Variants in METTL9 observed in about 807,000 individuals in gnomAD.
METTL9 encodes protein-L-histidine N-pros-methyltransferase.
In METTL9, 10 loss-of-function variants were observed where a neutral mutation model predicts 36.0. That is an observed-to-expected ratio of 0.28 (90% confidence interval 0.17 to 0.47). The LOEUF (loss-of-function observed/expected upper bound fraction) is 0.47, where lower values mean the gene tolerates loss of function less well. Among genes scored for constraint, METTL9 ranks in the 20% least tolerant of loss-of-function variants. The pLI, the probability that METTL9 is intolerant of heterozygous loss-of-function variation, is 0.99. For missense variants in METTL9, 246 were observed against 383.5 expected, an observed-to-expected ratio of 0.64 and a Z score of 3.00; for synonymous variants, 175 against 149.7, an observed-to-expected ratio of 1.17 and a Z score of -1.23.
chr16:21,653,172 T>G (rs1966624010), intron 4 of METTL9: 1 of 152,178 alleles, frequency 6.6e-6, no homozygotes, highest in African/African-American at 2.4e-5. Flanking sequence ...CAGGCTGGAA[T>G]GCAGTGGCAA....
At chr16:21,618,878 T>C (rs1397080569) in intron 3 of METTL9, among the ~76,000 whole-genome samples, 3 of 152,108 alleles carry the variant, frequency 2.0e-5, no homozygotes, top group Admixed American at 6.6e-5. Flanking sequence ...CATGCCTGGC[T>C]AATTTTTTTG....
upstream of METTL9, chr16:21,597,435 G>A (rs1197477456): frequency 4.0e-6 from 2 of 494,338 alleles, no homozygotes; most frequent in South Asian, 1.9e-5. Flanking sequence ...TATTTTAAAT[G>A]TATGAGTGAT....
chr16:21,637,121 G>A (rs761781576), intron 4 of METTL9, among the ~76,000 whole-genome samples: 9 of 152,238 alleles, frequency 5.9e-5, no homozygotes, highest in South Asian at 2.1e-4. Context: ...AAGGGGACCC[G>A]AGCGGGTTGC....
At chr16:21,641,642 TG>T in intron 4 of METTL9, 1 of 1,173,258 alleles carries the variant, frequency 8.5e-7, no homozygotes, top group Non-Finnish European at 1.3e-6. Context: ...ATGTAACCAA[TG>T]AAGCCAACTG....
At chr16:21,648,157 T>C (rs1258536640) in intron 4 of METTL9, among the ~76,000 whole-genome samples, 1 of 152,192 alleles carries the variant, frequency 6.6e-6, no homozygotes, top group East Asian at 1.9e-4. Context: ...CGCCAGGCCA[T>C]AGCTAAGCAG....
intron 1 of METTL9, among the ~76,000 whole-genome samples, chr16:21,606,717 A>G (rs923232822): frequency 6.6e-6 from 1 of 152,168 alleles, no homozygotes; most frequent in Non-Finnish European, 1.5e-5. Context: ...AGATACTCTT[A>G]TTACCCTGAG....
intron 4 of METTL9, among the ~76,000 whole-genome samples, chr16:21,634,881 C>G (rs531148604): frequency 6.6e-6 from 1 of 152,168 alleles, no homozygotes; most frequent in African/African-American, 2.4e-5. Flanking sequence ...CCTAATTCTC[C>G]TTAGTCCTTC....
intron 4 of METTL9, among the ~76,000 whole-genome samples, chr16:21,632,545 C>A (rs1022997989): frequency 6.6e-6 from 1 of 152,170 alleles, no homozygotes; most frequent in South Asian, 2.1e-4. Flanking sequence ...TCGATTGGTT[C>A]CTCATCCTCT....
intron 4 of METTL9, among the ~76,000 whole-genome samples, chr16:21,634,147 C>T (rs976618305): frequency 2.8e-4 from 42 of 152,120 alleles, no homozygotes; most frequent in African/African-American, 9.7e-4. Flanking sequence ...CAGGATTCCT[C>T]GGATGGTAAC....
intron 4 of METTL9, chr16:21,641,226 A>G (rs974650175): frequency 5.1e-6 from 1 of 197,228 alleles, no homozygotes; most frequent in African/African-American, 2.3e-5. Context: ...GTTTGGCTTC[A>G]GATCTTCAGG....
intron 4 of METTL9, chr16:21,643,604 A>T (rs770360859): frequency 1.3e-6 from 2 of 1,598,288 alleles, no homozygotes; most frequent in South Asian, 2.2e-5. Context: ...TTTGACTGCC[A>T]AGAAGAGAAG....
At chr16:21,630,742 C>A (rs940596105) in intron 4 of METTL9, among the ~76,000 whole-genome samples, 17 of 152,122 alleles carry the variant, frequency 1.1e-4, no homozygotes, top group Admixed American at 1.0e-3. Flanking sequence ...AGCTTGATGG[C>A]CTCCATTCTA....
rs1965786861 is a variant in METTL9 at position 21,625,004 on chromosome 16, C to T, written c.640C>T (p.Arg214Cys). The T allele has an allele frequency of 9.3e-6, 15 of 1,614,102 alleles. No homozygotes were observed. The highest frequency in any genetic ancestry group is 1.3e-5 in the Non-Finnish European group (15 of 1,180,002). ...DVISCLNLLD[R>C]CDQPLTLLKD... Reference sequence around the variant, plus strand: ...CATCAGCTGCCTGAACTTGCTGGACCGCTGTGATCAGCCCCTGACTTTGTT... The same window carrying T: ...CATCAGCTGCCTGAACTTGCTGGACTGCTGTGATCAGCCCCTGACTTTGTT... The change falls in exon 4 of 5, where the codon CGC becomes TGC. Residue 214 changes from arginine (R) to cysteine (C), a missense_variant. Physicochemically the swap from Arg to Cys is radical, Grantham distance 180. This residue lies in a region of METTL9 where 146 missense variants were observed against 302.1 expected (regional missense o/e 0.48). Coordinates refer to ENST00000358154, the MANE Select transcript of METTL9 (RefSeq NM_016025.5).
rs767740763 is a variant in METTL9 at position 21,655,462 on chromosome 16, G to A, written c.*30G>A. 7.0e-6 allele frequency: 11 copies of A among 1,580,772 alleles called. No homozygotes were observed. The highest frequency in any genetic ancestry group is 1.7e-5 in the Admixed American group (1 of 59,080). ...GTGGAGGTCGAAGTCTTCAGAGTCC[G>A]CACCCTCCGGGATGTGCCCTTGGAA... On this transcript the variant is annotated 3_prime_UTR_variant, in exon 5 of 5. Coordinates refer to ENST00000358154, the MANE Select transcript of METTL9 (RefSeq NM_016025.5).
chr16:21,616,944 C>G (rs1254062671), intron 2 of METTL9, among the ~76,000 whole-genome samples: 1 of 151,970 alleles, frequency 6.6e-6, no homozygotes, highest in Non-Finnish European at 1.5e-5. Context: ...GACTTAAGTT[C>G]TTCACATTCA....
Position 21,656,427 on chromosome 16 carries a change from A to G in METTL9, c.*995A>G, listed in dbSNP as rs2141633160. ...TTCCCTGAAATCCTTAAAGGAGTTTATTATTTGCCAAGAATATGGTTTGAT... is the reference window on the plus strand; with the variant it reads ...TTCCCTGAAATCCTTAAAGGAGTTTGTTATTTGCCAAGAATATGGTTTGAT... On this transcript the variant is annotated 3_prime_UTR_variant, in exon 5 of 5. Transcript: ENST00000358154. The G allele has an allele frequency of 6.6e-6, 1 of 152,284 alleles. No homozygotes were observed. The allele number at this position is 152,284 out of a possible 1,614,324, so 9.4% of individuals were successfully genotyped here. A position where few individuals can be genotyped will look rare whatever the true frequency, so the allele number is the denominator to read the frequency against.
chr16:21,638,598 A>G (rs528771912), intron 4 of METTL9, among the ~76,000 whole-genome samples: 9 of 152,236 alleles, frequency 5.9e-5, no homozygotes, highest in African/African-American at 1.7e-4. Context: ...AAAACACAGA[A>G]TAGTACACAA....
At chr16:21,654,885 C>G in intron 4 of METTL9, 1 of 242,448 alleles carries the variant, frequency 4.1e-6, no homozygotes, top group Non-Finnish European at 8.1e-6. Flanking sequence ...TTTCCAAACC[C>G]ATTAACCATT....
intron 4 of METTL9, chr16:21,643,621 C>G (rs183568987): frequency 6.4e-7 from 1 of 1,555,446 alleles, no homozygotes; most frequent in Admixed American, 1.8e-5. Context: ...GAAGGAAAGT[C>G]TATGAAACAT....
Sources: gnomAD v4.1 joint callset for allele counts (sites outside exome capture counted in the v4.1 genomes callset) on GRCh38, gnomAD v4.1.1 for gene constraint, gnomAD v4.1.1 regional missense constraint, MANE v1.5 for transcripts, NCBI Gene and HGNC (gene_info 2026-07-23, HGNC 2026-07-21) for gene names.